Variants in ROPN1 observed in about 807,000 individuals in gnomAD.
The protein encoded by ROPN1 is ropporin-1A.
ROPN1 carries 14 observed loss-of-function variants against 20.5 expected under a neutral mutation model. That is an observed-to-expected ratio of 0.68 (90% CI 0.45 to 1.07). The LOEUF (loss-of-function observed/expected upper bound fraction) is 1.07, where lower values mean the gene tolerates loss of function less well. ROPN1 is among the 50% of genes least tolerant of loss of function. The pLI is 0.00. For synonymous variants in ROPN1, 76 were observed against 95.7 expected, an observed-to-expected ratio of 0.79 and a Z score of 1.20; for missense variants, 169 against 242.8, an observed-to-expected ratio of 0.70 and a Z score of 2.02.
rs148277922 is a variant in ROPN1, at chr3:123,986,522, G to A, written c.-13+5400C>T. On this transcript the variant is annotated intron_variant, in intron 1 of 5. Coordinates refer to ENST00000405845, the MANE Select transcript of ROPN1 (RefSeq NM_001317774.2). ...TGACTTCTCTGTGTCCTGCAAGCAG[G>A]GGTGGTTGCTTAGGGTGGAGGAGGA... Among the ~76,000 whole-genome samples, 196 of 152,206 alleles carry A rather than the reference G, an allele frequency of 1.3e-3. 1 individual carries two copies. Among genetic ancestry groups the A allele is most frequent in the Admixed American group, 2.5e-3 (38 of 15,284 alleles).
At chr3:123,989,082 T>C (rs1010988584) in intron 1 of ROPN1, among the ~76,000 whole-genome samples, 1 of 152,056 alleles carries the variant, frequency 6.6e-6, no homozygotes, top group African/African-American at 2.4e-5. Flanking sequence ...GACAGCCGGG[T>C]ACAGGGCAGG....
intron 2 of ROPN1, chr3:123,979,302 C>T (rs2038086669): frequency 2.8e-6 from 1 of 354,036 alleles, no homozygotes; most frequent in Non-Finnish European, 5.6e-6. Context: ...CTCTCCCCAC[C>T]ATCTGCCCAG....
intron 2 of ROPN1, chr3:123,979,966 A>G (rs2038103010): frequency 2.6e-6 from 1 of 391,008 alleles, no homozygotes; most frequent in Non-Finnish European, 4.6e-6. Context: ...GCTGCCATCT[A>G]GTGGTGAGAC....
At chr3:123,978,372 C>T (rs988312344) in intron 2 of ROPN1, among the ~76,000 whole-genome samples, 3 of 152,196 alleles carry the variant, frequency 2.0e-5, no homozygotes, top group Admixed American at 1.3e-4. Context: ...CACACAGCAC[C>T]TCATTCCACA....
intron 1 of ROPN1, among the ~76,000 whole-genome samples, chr3:123,986,018 A>AAAAAAATCAAAAAT (rs201340337): frequency 1.1e-5 from 1 of 93,966 alleles, no homozygotes; most frequent in Non-Finnish European, 2.0e-5. Flanking sequence ...AAAAAAAAAA[A>AAAAAAATCAAAAAT]TCAAAATATT....
chr3:123,985,138 G>A (rs916260991), intron 1 of ROPN1, among the ~76,000 whole-genome samples: 4 of 152,192 alleles, frequency 2.6e-5, no homozygotes, highest in African/African-American at 9.7e-5. Context: ...ACTTACAACA[G>A]TTGAAATTAT....
intron 1 of ROPN1, among the ~76,000 whole-genome samples, chr3:123,986,018 A>AAAAAAAAAAAAAACAAAAAAT (rs201340337): frequency 1.1e-5 from 1 of 93,966 alleles, no homozygotes; most frequent in African/African-American, 3.8e-5. Flanking sequence ...AAAAAAAAAA[A>AAAAAAAAAAAAAACAAAAAAT]TCAAAATATT....
At chr3:123,977,026 T>C in intron 2 of ROPN1, 45 bp from the exon 3 acceptor site, 1 of 1,534,470 alleles carries the variant, frequency 6.5e-7, no homozygotes, top group Non-Finnish European at 8.8e-7. Context: ...TATACACCAG[T>C]GGCCTCTGGC....
At position 123,991,912 on chromosome 3, in the gene ROPN1, G is replaced by T. The variant is rs1209758095; in HGVS notation, c.-13+10C>A. The T allele has an allele frequency of 4.5e-5, 6 of 133,504 alleles. No individual in the cohort carries two copies. In the East Asian group the frequency reaches 1.6e-3, roughly 35 times the overall value. 8.3% of individuals were successfully genotyped at this position (133,504 alleles called of 1,614,324 possible). A position where few individuals can be genotyped will look rare whatever the true frequency, so the allele number is the denominator to read the frequency against. ...CCTGCCCTCCCTCCACTTCCCCTCG[G>T]GGTGGCTACCTCAGGCTCGCTCCCA... On this transcript the variant is annotated intron_variant, in intron 1 of 5. Transcript: ENST00000405845.
chr3:123,979,093 T>C (rs930435955), intron 2 of ROPN1: 2 of 169,708 alleles, frequency 1.2e-5, no homozygotes, highest in Admixed American at 1.1e-4. Context: ...TATATAAAAT[T>C]TAAAATGGAG....
In ROPN1 at chr3:123,976,882, T is replaced by G. The variant is rs778919029; in HGVS notation, c.216A>C (p.Leu72Phe). 6.2e-6 allele frequency: 10 copies of G among 1,613,182 alleles called. No homozygotes were observed. Among genetic ancestry groups the G allele is most frequent in the Non-Finnish European group, 8.5e-6 (10 of 1,179,580 alleles). ...CNRAELTPEL[L>F]KILHSQVAGR... is the part of the protein sequence containing the mutation. Reference sequence around the variant, plus strand: ...CCCTTACCTGAGAATGCAGGATCTTTAACAGCTCAGGTGTTAGCTCTGCCC... The same window carrying G: ...CCCTTACCTGAGAATGCAGGATCTTGAACAGCTCAGGTGTTAGCTCTGCCC... The change falls in exon 3 of 6, where the codon TTA becomes TTC. Residue 72 changes from leucine (L) to phenylalanine (F), a missense_variant. Leu to Phe is a conservative substitution (Grantham distance 22). Coordinates refer to ENST00000405845, the MANE Select transcript of ROPN1 (RefSeq NM_001317774.2).
At chr3:123,982,334 A>G (rs1414032158) in intron 1 of ROPN1, among the ~76,000 whole-genome samples, 1 of 152,216 alleles carries the variant, frequency 6.6e-6, no homozygotes, top group Non-Finnish European at 1.5e-5. Flanking sequence ...TGCTAGGTGG[A>G]AAAGCAATAT....
chr3:123,990,090 G>A (rs561427312), intron 1 of ROPN1, among the ~76,000 whole-genome samples: 1 of 152,300 alleles, frequency 6.6e-6, no homozygotes, highest in South Asian at 2.1e-4. Context: ...TTGACTGACA[G>A]CTGTGTGGAT....
intron 1 of ROPN1, among the ~76,000 whole-genome samples, chr3:123,988,746 A>G (rs115598444): frequency 0.025 from 3,860 of 152,084 alleles, 60 homozygotes; most frequent in Middle Eastern, 0.041. Context: ...GACAAAATTT[A>G]TGTGTTTTAT....
chr3:123,992,065 G>A lies in ROPN1; in HGVS notation c.-156C>T, dbSNP rs1303725977. Reference sequence around the variant, plus strand: ...GAACCTCGGCGGGGAGGGCAGCAGCGGCCGGGGGTGACAGCAGCGGCGGGG... The same window carrying A: ...GAACCTCGGCGGGGAGGGCAGCAGCAGCCGGGGGTGACAGCAGCGGCGGGG... On this transcript the variant is annotated 5_prime_UTR_variant, in exon 1 of 6. Transcript: ENST00000405845. 1 of 124,938 alleles carries A rather than the reference G, an allele frequency of 8.0e-6. No individual in the cohort carries two copies. The highest frequency in any genetic ancestry group is 2.8e-5 in the African/African-American group (1 of 35,392). The allele number at this position is 124,938 out of a possible 1,614,324, so 7.7% of individuals were successfully genotyped here. A position where few individuals can be genotyped will look rare whatever the true frequency, so the allele number is the denominator to read the frequency against.
chr3:123,987,613 G>A (rs571820804), intron 1 of ROPN1, among the ~76,000 whole-genome samples: 24 of 152,076 alleles, frequency 1.6e-4, no homozygotes, highest in South Asian at 6.2e-4. Flanking sequence ...TGCCTTATTC[G>A]TATTAACTTT....
At chr3:123,970,460 T>C (rs915339452) in intron 4 of ROPN1, among the ~76,000 whole-genome samples, 7 of 152,200 alleles carry the variant, frequency 4.6e-5, no homozygotes, top group African/African-American at 1.7e-4. Flanking sequence ...AGGAATTAAA[T>C]TTATACATTC....
chr3:123,991,820 C>A (rs2038417069), intron 1 of ROPN1, 102 bp downstream of exon 1: 1 of 152,288 alleles, frequency 6.6e-6, no homozygotes, highest in Non-Finnish European at 1.5e-5. Flanking sequence ...AGGAGAGGCT[C>A]AGAATCCAGG....
chr3:123,978,242 C>A (rs527312064), intron 2 of ROPN1, among the ~76,000 whole-genome samples: 37 of 151,926 alleles, frequency 2.4e-4, no homozygotes, highest in South Asian at 6.2e-4. Context: ...CATGAGAAAT[C>A]TCTGCACACA....
Sources: gnomAD v4.1 joint callset for allele counts (sites outside exome capture counted in the v4.1 genomes callset) on GRCh38, gnomAD v4.1.1 for gene constraint, MANE v1.5 for transcripts, NCBI Gene and HGNC (gene_info 2026-07-23, HGNC 2026-07-21) for gene names.